Variants in ARHGEF1 observed in about 807,000 individuals in gnomAD.
ARHGEF1 encodes 115 kDa guanine nucleotide exchange factor.
Under a neutral mutation model 119.7 loss-of-function variants are expected in ARHGEF1, and 40 were observed. That is an observed-to-expected ratio of 0.33 (90% CI 0.26 to 0.44). The LOEUF (loss-of-function observed/expected upper bound fraction) is 0.44, where lower values mean the gene tolerates loss of function less well. ARHGEF1 is among the 20% of genes least tolerant of loss of function. The pLI, the probability that ARHGEF1 is intolerant of heterozygous loss-of-function variation, is 1.00. For synonymous variants in ARHGEF1, 494 were observed against 521.0 expected, an observed-to-expected ratio of 0.95 and a Z score of 0.71; for missense variants, 976 against 1,268.3, an observed-to-expected ratio of 0.77 and a Z score of 3.50.
intron 2 of ARHGEF1, among the ~76,000 whole-genome samples, chr19:41,929,228 A>G (rs1555853647): frequency 6.6e-6 from 1 of 151,802 alleles, no homozygotes; most frequent in Non-Finnish European, 1.5e-5. Context: ...CTGACCCACA[A>G]ACTGGACACA....
downstream of ARHGEF1, chr19:41,909,444 G>A: frequency 8.1e-7 from 1 of 1,239,264 alleles, no homozygotes; most frequent in Non-Finnish European, 1.0e-6. This position sits in a 1 kb window ranked among gnomAD's most constrained non-coding sequence, Gnocchi z 5.2. Flanking sequence ...CTTTGGTCTT[G>A]TGGAGAATCC....
intron 7 of ARHGEF1, 64 bp from the exon 8 acceptor site, chr19:41,893,210 T>A (rs781927255): frequency 6.2e-7 from 1 of 1,603,500 alleles, no homozygotes; most frequent in South Asian, 1.1e-5. Flanking sequence ...CTGAGATGTA[T>A]CCTGGGTGGA....
chr19:41,906,281 C>T lies in ARHGEF1; in HGVS notation c.2492-176C>T, dbSNP rs2074693932. On this transcript the variant is annotated intron_variant, in intron 26 of 28. Transcript: ENST00000354532. This position sits in a 1 kb window ranked among gnomAD's most constrained non-coding sequence, Gnocchi z 4.5. ...CAGTACCTTCCTGCCCTGTCCCAAC[C>T]CTAAACCCAGCCTCACTTCTTCACC... 2 of 712,120 alleles carry T rather than the reference C, an allele frequency of 2.8e-6. No homozygotes were observed. Among genetic ancestry groups the T allele is most frequent in the Non-Finnish European group, 4.7e-6 (2 of 427,610 alleles). 44.1% of individuals were successfully genotyped at this position (712,120 alleles called of 1,614,324 possible). A position where few individuals can be genotyped will look rare whatever the true frequency, so the allele number is the denominator to read the frequency against.
In ARHGEF1 at chr19:41,904,442, T is replaced by A; in HGVS notation, c.2161+59T>A. 6.7e-7 allele frequency: 1 copy of A among 1,482,882 alleles called. No homozygotes were observed. The highest frequency in any genetic ancestry group is 9.0e-7 in the Non-Finnish European group (1 of 1,114,546). 91.9% of individuals were successfully genotyped at this position (1,482,882 alleles called of 1,614,324 possible). ...GGTGTCTTTTTTGGGCAGAGCTGCC[T>A]GTGGAGTGGGGAGCAGAACCCTCTA... On this transcript the variant is annotated intron_variant, in intron 22 of 28. Coordinates refer to ENST00000354532, the MANE Select transcript of ARHGEF1 (RefSeq NM_004706.4). The surrounding 1 kb of genome is among the most constrained non-coding windows in gnomAD (Gnocchi z 8.4).
chr19:41,896,398 T>C lies in ARHGEF1; in HGVS notation c.1037T>C (p.Leu346Pro), dbSNP rs1555847605. 1.1e-5 allele frequency: 16 copies of C among 1,442,426 alleles called. No homozygotes were observed. The highest frequency in any genetic ancestry group is 1.4e-5 in the Non-Finnish European group (15 of 1,096,524). 89.4% of individuals were successfully genotyped at this position (1,442,426 alleles called of 1,614,324 possible). Reference sequence around the variant, plus strand: ...ACAGGTGCTGACGCCCCCCTGGAGCTGGGGGACTCATCCCCGCAGGGCCCA... The same window carrying C: ...ACAGGTGCTGACGCCCCCCTGGAGCCGGGGGACTCATCCCCGCAGGGCCCA... ...REPGADAPLELGDSSPQGPMS... is the reference protein window; with the variant it reads ...REPGADAPLEPGDSSPQGPMS... Residue 346 changes from leucine to proline, a missense_variant, in exon 13 of 29, where the codon CTG becomes CCG. Physicochemically the swap from Leu to Pro is moderately conservative, Grantham distance 98. Coordinates refer to ENST00000354532, the MANE Select transcript of ARHGEF1 (RefSeq NM_004706.4).
At chr19:41,919,512 TACAC>T (rs60525805), upstream of ARHGEF1, among the ~76,000 whole-genome samples, 1,007 of 146,558 alleles carry the variant, frequency 6.9e-3, 5 homozygotes, top group South Asian at 0.025. Flanking sequence ...CGTGCACGCG[TACAC>T]ACACACACAC....
chr19:41,902,960 C>T lies in ARHGEF1; in HGVS notation c.1738+62C>T, dbSNP rs2074629167. On this transcript the variant is annotated intron_variant, in intron 18 of 28. Coordinates refer to ENST00000354532, the MANE Select transcript of ARHGEF1 (RefSeq NM_004706.4). This position sits in a 1 kb window ranked among gnomAD's most constrained non-coding sequence, Gnocchi z 6.5. ...TCTTTTTTTTTTACATTTTTTTTCT[C>T]ACTCATTTTCATCAGTGATACCATC... The T allele has an allele frequency of 1.5e-6, 2 of 1,355,882 alleles. No individual in the cohort carries two copies. Among genetic ancestry groups the T allele is most frequent in the Non-Finnish European group, 2.0e-6 (2 of 1,002,682 alleles). The allele number at this position is 1,355,882 out of a possible 1,614,324, so 84.0% of individuals were successfully genotyped here.
chr19:41,910,898 T>C (rs1020926429), downstream of ARHGEF1, among the ~76,000 whole-genome samples: 7 of 152,012 alleles, frequency 4.6e-5, no homozygotes, highest in Non-Finnish European at 1.0e-4. The surrounding 1 kb of genome is among the most constrained non-coding windows in gnomAD (Gnocchi z 4.4). Flanking sequence ...GGTCACGTCA[T>C]CTCAACAACC....
rs1249743524 is a variant in ARHGEF1 at position 41,906,256 on chromosome 19, C to T, written c.2492-201C>T. 1.1e-5 allele frequency: 7 copies of T among 662,430 alleles called. No homozygotes were observed. Among genetic ancestry groups the T allele is most frequent in the Non-Finnish European group, 1.8e-5 (7 of 383,258 alleles). The allele number at this position is 662,430 out of a possible 1,614,324, so 41.0% of individuals were successfully genotyped here. On this transcript the variant is annotated intron_variant, in intron 26 of 28. Transcript: ENST00000354532. The surrounding 1 kb of genome is among the most constrained non-coding windows in gnomAD (Gnocchi z 4.5). Reference sequence around the variant, plus strand: ...CTCTTCCTGAACACATCTCTGTCTTCAGTACCTTCCTGCCCTGTCCCAACC... The same window carrying T: ...CTCTTCCTGAACACATCTCTGTCTTTAGTACCTTCCTGCCCTGTCCCAACC...
At position 41,901,981 on chromosome 19, in the gene ARHGEF1, G is replaced by A. The variant is rs138184809; in HGVS notation, c.1362G>A (p.Leu454=). 1.9e-6 allele frequency: 3 copies of A among 1,613,962 alleles called. No individual in the cohort carries two copies. The highest frequency in any genetic ancestry group is 2.5e-6 in the Non-Finnish European group (3 of 1,180,014). Residue 454 remains leucine, a synonymous_variant, in exon 15 of 29, where the codon TTG becomes TTA. Coordinates refer to ENST00000354532, the MANE Select transcript of ARHGEF1 (RefSeq NM_004706.4). ...QPMAECLFFP[L]EELQNIFPSL... ...TGGCAGAATGCCTGTTCTTCCCCTT[G>A]GAGGAGCTGCAGAACATCTTCCCCA...
chr19:41,898,135 C>G, intron 13 of ARHGEF1: 24 of 1,399,738 alleles, frequency 1.7e-5, no homozygotes, highest in Admixed American at 6.7e-5. Flanking sequence ...CTCTCCCTTC[C>G]CCCATCCACT....
chr19:41,891,919 C>T, intron 4 of ARHGEF1, 106 bp from the exon 5 acceptor site: 1 of 950,844 alleles, frequency 1.1e-6, no homozygotes, highest in Non-Finnish European at 1.6e-6. Flanking sequence ...CAGTTGAGTC[C>T]CACAGCCATA....
intron 18 of ARHGEF1, among the ~76,000 whole-genome samples, chr19:41,913,554 C>A (rs894566067): frequency 6.6e-6 from 1 of 151,716 alleles, no homozygotes; most frequent in Non-Finnish European, 1.5e-5. Flanking sequence ...TCCTCTACCC[C>A]ACAGGGCAGC....
chr19:41,884,447 G>A, intron 1 of ARHGEF1: 1 of 1,605,662 alleles, frequency 6.2e-7, no homozygotes, highest in Non-Finnish European at 8.5e-7. Context: ...GAGCGCGGAG[G>A]CTTCGGTTCC....
rs2074807529 is a variant in ARHGEF1, at chr19:41,917,363, C to G, written c.1866-5729C>G. ...CTCCTAACGCCCCATCACCACGCCC[C>G]CCTGGGCTGGGGTTTAACCAGTTGT... On this transcript the variant is annotated intron_variant, in intron 18 of 20. Transcript: ENST00000599589. This position sits in a 1 kb window ranked among gnomAD's most constrained non-coding sequence, Gnocchi z 4.8. Among the ~76,000 whole-genome samples, 1 of 152,002 alleles carries G rather than the reference C, an allele frequency of 6.6e-6. No individual in the cohort carries two copies. Among genetic ancestry groups the G allele is most frequent in the Non-Finnish European group, 1.5e-5 (1 of 67,996 alleles).
downstream of ARHGEF1, among the ~76,000 whole-genome samples, chr19:41,911,431 T>C (rs1172610955): frequency 6.6e-6 from 1 of 152,200 alleles, no homozygotes; most frequent in Non-Finnish European, 1.5e-5. Context: ...GAGACCAGCA[T>C]CGCCGTGTCC....
intron 14 of ARHGEF1, among the ~76,000 whole-genome samples, chr19:41,899,548 T>G (rs1555848610): frequency 2.0e-5 from 3 of 148,660 alleles, no homozygotes; most frequent in Non-Finnish European, 4.5e-5. Context: ...TTGCTCTTGT[T>G]GCCCAGGCTG....
At chr19:41,894,605 T>C in intron 10 of ARHGEF1, 21 bp from the exon 11 acceptor site, 2 of 1,614,062 alleles carry the variant, frequency 1.2e-6, no homozygotes, top group East Asian at 4.5e-5. Context: ...CCACTCACTG[T>C]CTCATTCTCT....
At chr19:41,924,764 GCAC>G (rs1231812653) in intron 1 of ARHGEF1, among the ~76,000 whole-genome samples, 1 of 152,178 alleles carries the variant, frequency 6.6e-6, no homozygotes, top group East Asian at 1.9e-4. Context: ...CAGGTGTTAT[GCAC>G]GTGGAGGAAG....
Sources: gnomAD v4.1 joint callset for allele counts (sites outside exome capture counted in the v4.1 genomes callset) on GRCh38, gnomAD v4.1.1 for gene constraint, Gnocchi (gnomAD v3.1) non-coding constraint, MANE v1.5 for transcripts, NCBI Gene and HGNC (gene_info 2026-07-23, HGNC 2026-07-21) for gene names.